WDR87: variants seen among roughly 807,000 people sequenced by gnomAD.
WDR87 encodes WD repeat-containing protein 87.
In WDR87, 56 loss-of-function variants were observed where a neutral mutation model predicts 83.3. That is an observed-to-expected ratio of 0.67 (90% confidence interval 0.54 to 0.84). The LOEUF (loss-of-function observed/expected upper bound fraction) is 0.84. Among genes scored for constraint, WDR87 ranks in the 40% least tolerant of loss-of-function variants. The pLI is 0.00. For missense variants in WDR87, 2,939 were observed against 3,431.9 expected, an observed-to-expected ratio of 0.86 and a Z score of 3.59; for synonymous variants, 1,173 against 1,250.6, an observed-to-expected ratio of 0.94 and a Z score of 1.31.
At chr19:37,903,761 C>T (rs557642240) in intron 1 of WDR87, among the ~76,000 whole-genome samples, 198 of 152,176 alleles carry the variant, frequency 1.3e-3, no homozygotes, top group African/African-American at 4.6e-3. Flanking sequence ...AACTCCTGGC[C>T]TCAAAGAATC....
rs1339094829 is a variant in WDR87 at position 37,892,656 on chromosome 19, A to C, written c.3047T>G (p.Leu1016Arg). 2 of 1,550,390 alleles carry C rather than the reference A, an allele frequency of 1.3e-6. No homozygotes were observed. The highest frequency in any genetic ancestry group is 3.9e-5 in the Admixed American group (2 of 50,938). ...AGAGTGGATTCCAATCTCAGCCATG[A>C]GGCTTAGGGTCTTGATCCTCACTCT... is the stretch of plus-strand genomic sequence containing the variant. ...DERVRIKTLS[L>R]MAEIGIHSRT... The change falls in exon 4 of 6, where the codon CTC (leucine) becomes CGC (arginine). Residue 1016 changes from leucine (L) to arginine (R), a missense_variant. By Grantham distance (102) the Leu-to-Arg change is moderately radical (BLOSUM62 -2). This residue lies in a region of WDR87 where 2,160 missense variants were observed against 2,533.1 expected (regional missense o/e 0.85). Coordinates refer to ENST00000447313, the MANE Select transcript of WDR87 (RefSeq NM_001291088.2).
chr19:37,898,218 G>C lies in WDR87; in HGVS notation c.22C>G (p.Pro8Ala). The change falls in exon 2 of 6, where the codon CCC becomes GCC. Residue 8 changes from proline to alanine, a missense_variant. Transcript: ENST00000447313. ...AGGAGTTTTAAATCTTTCCACAGGG[G>C]AATGAGCCTGGGGGAAGACATCACC... MSSPRLI[P>A]LWKDLKLLLN... 4 of 1,551,590 alleles carry C rather than the reference G, an allele frequency of 2.6e-6. No homozygotes were observed. Among genetic ancestry groups the C allele is most frequent in the Non-Finnish European group, 2.6e-6 (3 of 1,146,934 alleles).
rs756608736 is a variant in WDR87 at position 37,889,179 on chromosome 19, C to G, written c.4492G>C (p.Asp1498His). 188 of 1,552,222 alleles carry G rather than the reference C, an allele frequency of 1.2e-4. No homozygotes were observed. Among genetic ancestry groups the G allele is most frequent in the Non-Finnish European group, 1.6e-4 (181 of 1,147,142 alleles). The change falls in exon 6 of 6, where the codon GAC becomes CAC. Residue 1498 changes from aspartate (D) to histidine (H), a missense_variant. Physicochemically the swap from Asp to His is moderately conservative, Grantham distance 81. Transcript: ENST00000447313. ...VMIERTPSWQ[D>H]WKKAWDEWKQ... is the part of the protein sequence containing the mutation. Reference sequence around the variant, plus strand: ...CACTCATCCCAGGCCTTTTTCCAGTCCTGCCAAGATGGTGTCCTCTCAATC... The same window carrying G: ...CACTCATCCCAGGCCTTTTTCCAGTGCTGCCAAGATGGTGTCCTCTCAATC...
At chr19:37,899,004 A>G (rs1406852989) in intron 1 of WDR87, among the ~76,000 whole-genome samples, 3 of 152,162 alleles carry the variant, frequency 2.0e-5, no homozygotes, top group Non-Finnish European at 4.4e-5. Context: ...AGGCCCATCA[A>G]TGAATAATTG....
rs10618499 is a variant in WDR87, at chr19:37,902,022, G to GTTTA, written c.-46-3741_-46-3738dup. Among the ~76,000 whole-genome samples the GTTTA allele has an allele frequency of 5.0e-3, 727 of 145,176 alleles. 2 individuals are homozygous for GTTTA. Among genetic ancestry groups the GTTTA allele is most frequent in the Middle Eastern group, 0.01 (3 of 292 alleles). On this transcript the variant is annotated intron_variant, in intron 1 of 5. Transcript: ENST00000447313. ...TGAGACACTGCACCTGGCCCTCTAT[G>GTTTA]TTTATTTATTTATTTATTTATTTAT...
chr19:37,899,452 A>G (rs1384111273), intron 1 of WDR87, among the ~76,000 whole-genome samples: 1 of 151,696 alleles, frequency 6.6e-6, no homozygotes, highest in African/African-American at 2.4e-5. Flanking sequence ...AAAAAAGAAA[A>G]AAAAGAGACA....
rs540262772 is a variant in WDR87, at chr19:37,905,246, A to C, written c.-47+1253T>G. On this transcript the variant is annotated intron_variant, in intron 1 of 5. Coordinates refer to ENST00000447313, the MANE Select transcript of WDR87 (RefSeq NM_001291088.2). ...ACTCCGTCTCCAAAAAAAAAAAAAA[A>C]AAAAGTAGAACTGAAGCAATGAAAA... Among the ~76,000 whole-genome samples the C allele has an allele frequency of 5.0e-3, 758 of 152,014 alleles. 7 individuals are homozygous for C. The highest frequency in any genetic ancestry group is 0.018 in the African/African-American group (733 of 41,492).
chr19:37,898,800 T>G (rs1351757929), intron 1 of WDR87, among the ~76,000 whole-genome samples: 2 of 148,804 alleles, frequency 1.3e-5, no homozygotes, highest in Admixed American at 1.4e-4. Context: ...TTCCAACTCA[T>G]ACTTCATGCT....
chr19:37,899,330 A>G (rs1204719137), intron 1 of WDR87, among the ~76,000 whole-genome samples: 1 of 151,302 alleles, frequency 6.6e-6, no homozygotes, highest in Non-Finnish European at 1.5e-5. Flanking sequence ...GAGGCAGGAG[A>G]ATCACTTGAA....
rs192761267 is a variant in WDR87, at chr19:37,902,498, G to A, written c.-47+4001C>T. On this transcript the variant is annotated intron_variant, in intron 1 of 5. Coordinates refer to ENST00000447313, the MANE Select transcript of WDR87 (RefSeq NM_001291088.2). ...CTCCCAAAGTGCTGGGATTACAGGCGTGAGCCACCATGCCCGGCTGATTGT... is the reference window on the plus strand; with the variant it reads ...CTCCCAAAGTGCTGGGATTACAGGCATGAGCCACCATGCCCGGCTGATTGT... Among the ~76,000 whole-genome samples, 1,189 of 152,266 alleles carry A rather than the reference G, an allele frequency of 7.8e-3. 11 individuals are homozygous for A. The highest frequency in any genetic ancestry group is 0.012 in the Non-Finnish European group (832 of 68,018).
Position 37,894,074 on chromosome 19 carries a change from C to T in WDR87, c.1629G>A (p.Gly543=), listed in dbSNP as rs1173795741. The change falls in exon 4 of 6, where the codon GGG becomes GGA. Residue 543 remains glycine, a synonymous_variant. Coordinates refer to ENST00000447313, the MANE Select transcript of WDR87 (RefSeq NM_001291088.2). ...YVHLSEAVLD[G]VKVQLRPLAS... ...CGAGAGGCCGCAGTTGTACTTTGAC[C>T]CCATCAAGCACAGCTTCTGACAGGT... is the stretch of plus-strand genomic sequence containing the variant. 6 of 1,552,080 alleles carry T rather than the reference C, an allele frequency of 3.9e-6. No individual in the cohort carries two copies. The highest frequency in any genetic ancestry group is 1.4e-5 in the African/African-American group (1 of 73,032).
At chr19:37,900,199 C>T (rs553893004) in intron 1 of WDR87, among the ~76,000 whole-genome samples, 1 of 152,244 alleles carries the variant, frequency 6.6e-6, no homozygotes, top group African/African-American at 2.4e-5. Context: ...TCATCATCTC[C>T]ATTGTACAAA....
At position 37,893,049 on chromosome 19, in the gene WDR87, T is replaced by C; in HGVS notation, c.2654A>G (p.His885Arg). The C allele has an allele frequency of 6.4e-7, 1 of 1,551,788 alleles. No individual in the cohort carries two copies. The highest frequency in any genetic ancestry group is 8.7e-7 in the Non-Finnish European group (1 of 1,147,008). The change falls in exon 4 of 6, where the codon CAC (histidine) becomes CGC (arginine). Residue 885 changes from histidine to arginine, a missense_variant. Physicochemically the swap from His to Arg is conservative, Grantham distance 29. This residue lies in a region of WDR87 where 2,160 missense variants were observed against 2,533.1 expected (regional missense o/e 0.85). Coordinates refer to ENST00000447313, the MANE Select transcript of WDR87 (RefSeq NM_001291088.2). The stretch of plus-strand genomic sequence containing the variant: ...CTTGGAAAGTCTCATTTCTAGGAAG[T>C]GTTCATCCTCCTCCTTATTCTTTGG... The part of the protein sequence containing the change: ...EYPKNKEEDE[H>R]FLEMRLSKDV...
chr19:37,893,281 A>T lies in WDR87; in HGVS notation c.2422T>A (p.Tyr808Asn). ...CATTCCCGCCCATGACCAAAGTAGTATCGCAATATCTGATAGGGGTTGAGT... is the reference window on the plus strand; with the variant it reads ...CATTCCCGCCCATGACCAAAGTAGTTTCGCAATATCTGATAGGGGTTGAGT... ...DGLNPYQILRYYFGHGREWLF... is the reference protein window; with the variant it reads ...DGLNPYQILRNYFGHGREWLF... The change falls in exon 4 of 6, where the codon TAC becomes AAC. Residue 808 changes from tyrosine to asparagine, a missense_variant. Physicochemically the swap from Tyr to Asn is moderately radical, Grantham distance 143 (BLOSUM62 -2). Coordinates refer to ENST00000447313, the MANE Select transcript of WDR87 (RefSeq NM_001291088.2). The T allele has an allele frequency of 5.8e-6, 9 of 1,551,814 alleles. No homozygotes were observed. Among genetic ancestry groups the T allele is most frequent in the Non-Finnish European group, 7.8e-6 (9 of 1,147,000 alleles).
At position 37,887,968 on chromosome 19, in the gene WDR87, A is replaced by C; in HGVS notation, c.5703T>G (p.Tyr1901Ter). Residue 1901 changes from tyrosine (Y) to a stop codon, truncating the protein, a stop_gained, in exon 6 of 6, where the codon TAT becomes TAG. Coordinates refer to ENST00000447313, the MANE Select transcript of WDR87 (RefSeq NM_001291088.2). LOFTEE classifies it low-confidence loss of function (END_TRUNC). The stretch of plus-strand genomic sequence containing the variant: ...TGCTGTGGGTGAGTCTTTCTTTATT[A>C]TAGAGTAGGTTCTCTTTCCTCTGAG... ...KLAQRKENLL[Y>*]NKERLTHSKK... is the part of the protein sequence containing the mutation. 1 of 1,550,428 alleles carries C rather than the reference A, an allele frequency of 6.4e-7. No homozygotes were observed. Among genetic ancestry groups the C allele is most frequent in the Non-Finnish European group, 8.7e-7 (1 of 1,146,816 alleles).
rs1180823239 is a variant in WDR87, at chr19:37,893,550, T to C, written c.2153A>G (p.Tyr718Cys). Reference protein sequence around the residue: ...FSFETMFVPKYIYPGQAQQKL... With the variant: ...FSFETMFVPKCIYPGQAQQKL... ...CTGTTGCGCTTGTCCAGGGTAGATG[T>C]ACTTGGGCACAAACATGGTCTCAAA... is the stretch of plus-strand genomic sequence containing the variant. The change falls in exon 4 of 6, where the codon TAC (tyrosine) becomes TGC (cysteine). Residue 718 changes from tyrosine to cysteine, a missense_variant. Physicochemically the swap from Tyr to Cys is radical, Grantham distance 194. This residue lies in a region of WDR87 where 553 missense variants were observed against 577.9 expected (regional missense o/e 0.96). Coordinates refer to ENST00000447313, the MANE Select transcript of WDR87 (RefSeq NM_001291088.2). 1.3e-6 allele frequency: 2 copies of C among 1,551,688 alleles called. No homozygotes were observed. The highest frequency in any genetic ancestry group is 1.7e-6 in the Non-Finnish European group (2 of 1,147,048).
In WDR87 at chr19:37,885,054, GCA is replaced by G. The variant is rs759967476; in HGVS notation, c.8615_8616del (p.Val2872AlafsTer23). The G allele has an allele frequency of 5.4e-6, 8 of 1,468,444 alleles. No homozygotes were observed. The South Asian group carries it at 1.2e-4, about 22-fold the overall frequency. The allele number at this position is 1,468,444 out of a possible 1,614,324, so 91.0% of individuals were successfully genotyped here. A position where few individuals can be genotyped will look rare whatever the true frequency, so the allele number is the denominator to read the frequency against. ...GAVPLPWQNC[V>X]RTILPVGIAR... ...GCAATGCCCACGGGAAGGATGGTGC[GCA>G]CACAGTTCTGCCATGGGAGGGGTAC... On this transcript the variant is annotated frameshift_variant, in exon 6 of 6. Coordinates refer to ENST00000447313, the MANE Select transcript of WDR87 (RefSeq NM_001291088.2). LOFTEE classifies it low-confidence loss of function (END_TRUNC).
At chr19:37,892,551 G>A in intron 4 of WDR87, 27 bp downstream of exon 4, 1 of 1,456,708 alleles carries the variant, frequency 6.9e-7, no homozygotes. Flanking sequence ...CGAATGGGGT[G>A]AAGAATTGAA....
At chr19:37,896,633 T>G (rs934718399) in intron 2 of WDR87, among the ~76,000 whole-genome samples, 3 of 152,138 alleles carry the variant, frequency 2.0e-5, no homozygotes, top group Non-Finnish European at 4.4e-5. Context: ...TTTGTTTTGT[T>G]TTTTAGATGG....
Sources: gnomAD v4.1 joint callset for allele counts (sites outside exome capture counted in the v4.1 genomes callset) on GRCh38, gnomAD v4.1.1 for gene constraint, gnomAD v4.1.1 regional missense constraint, MANE v1.5 for transcripts, NCBI Gene and HGNC (gene_info 2026-07-23, HGNC 2026-07-21) for gene names.